AKT2: variants seen among roughly 807,000 people sequenced by gnomAD.
AKT2 encodes the protein RAC-beta serine/threonine-protein kinase.
In AKT2, 16 loss-of-function variants were observed where a neutral mutation model predicts 58.6. The observed-to-expected ratio is 0.27, with a 90% CI of 0.18 to 0.41. The LOEUF (loss-of-function observed/expected upper bound fraction) is 0.41. Ranked by LOEUF, AKT2 falls within the 10% of genes least tolerant of loss-of-function variation. The pLI is 1.00. For synonymous variants in AKT2, 253 were observed against 254.0 expected, an observed-to-expected ratio of 1.00 and a Z score of 0.04; for missense variants, 438 against 661.0, an observed-to-expected ratio of 0.66 and a Z score of 3.70.
chr19:40,240,187 G>A, intron 6 of AKT2, 77 bp from the exon 7 acceptor site: 1 of 1,445,792 alleles, frequency 6.9e-7, no homozygotes, highest in Non-Finnish European at 9.7e-7. Context: ...GGGGAGCAAG[G>A]CCTTGTGAAA....
chr19:40,238,206 G>T lies in AKT2; in HGVS notation c.709-115C>A. On this transcript the variant is annotated intron_variant, in intron 8 of 13. Transcript: ENST00000392038. The surrounding 1 kb of genome is among the most constrained non-coding windows in gnomAD (Gnocchi z 5.1). ...GTGGTGACACCTGTATCATGAACCA[G>T]CAAGTGACAGCTAGAGGGACCAATC... is the stretch of plus-strand genomic sequence containing the variant. 7.4e-7 allele frequency: 1 copy of T among 1,355,062 alleles called. No individual in the cohort carries two copies. The highest frequency in any genetic ancestry group is 2.5e-5 in the East Asian group (1 of 39,448). The allele number at this position is 1,355,062 out of a possible 1,614,324, so 83.9% of individuals were successfully genotyped here.
Position 40,242,204 on chromosome 19 carries a change from T to C in AKT2, c.442-135A>G. 2.3e-6 allele frequency: 3 copies of C among 1,312,168 alleles called. No homozygotes were observed. The highest frequency in any genetic ancestry group is 3.2e-6 in the Non-Finnish European group (3 of 936,716). 81.3% of individuals were successfully genotyped at this position (1,312,168 alleles called of 1,614,324 possible). Reference sequence around the variant, plus strand: ...TAGGCTGGAGCAGGAAGGGAGGCTCTGGGCAGCAACTGTGTGTTCTGAAGC... The same window carrying C: ...TAGGCTGGAGCAGGAAGGGAGGCTCCGGGCAGCAACTGTGTGTTCTGAAGC... On this transcript the variant is annotated intron_variant, in intron 5 of 13. Transcript: ENST00000392038. The surrounding 1 kb of genome is among the most constrained non-coding windows in gnomAD (Gnocchi z 4.3).
intron 3 of AKT2, among the ~76,000 whole-genome samples, chr19:40,255,475 G>C (rs997129788): frequency 5.9e-5 from 9 of 152,308 alleles, no homozygotes; most frequent in Admixed American, 4.6e-4. Context: ...GCCCACCAGA[G>C]AGTGATGGCT....
At chr19:40,248,986 A>G (rs1175049978) in intron 4 of AKT2, among the ~76,000 whole-genome samples, 17 of 64,766 alleles carry the variant, frequency 2.6e-4, no homozygotes, top group Admixed American at 4.6e-4. Flanking sequence ...ATGAGGAGAG[A>G]GAGGAGTGCA....
chr19:40,238,189 A>T lies in AKT2; in HGVS notation c.709-98T>A. Reference sequence around the variant, plus strand: ...TGCCCCAGCGCAGTGATGTGGTGACACCTGTATCATGAACCAGCAAGTGAC... The same window carrying T: ...TGCCCCAGCGCAGTGATGTGGTGACTCCTGTATCATGAACCAGCAAGTGAC... On this transcript the variant is annotated intron_variant, in intron 8 of 13. Coordinates refer to ENST00000392038, the MANE Select transcript of AKT2 (RefSeq NM_001626.6). The surrounding 1 kb of genome is among the most constrained non-coding windows in gnomAD (Gnocchi z 5.1). 1 of 1,471,838 alleles carries T rather than the reference A, an allele frequency of 6.8e-7. No homozygotes were observed. Among genetic ancestry groups the T allele is most frequent in the South Asian group, 1.2e-5 (1 of 81,650 alleles). The allele number at this position is 1,471,838 out of a possible 1,614,324, so 91.2% of individuals were successfully genotyped here.
chr19:40,232,279 C>G lies in AKT2; in HGVS notation c.*1593G>C. The G allele has an allele frequency of 4.3e-6, 1 of 233,906 alleles. No individual in the cohort carries two copies. Among genetic ancestry groups the G allele is most frequent in the African/African-American group, 2.2e-5 (1 of 45,438 alleles). The allele number at this position is 233,906 out of a possible 1,614,324, so 14.5% of individuals were successfully genotyped here. On this transcript the variant is annotated 3_prime_UTR_variant, in exon 14 of 14. Coordinates refer to ENST00000392038, the MANE Select transcript of AKT2 (RefSeq NM_001626.6). ...CTGGGGCCCAGGGGTCTGACTCCAT[C>G]ACCAAGGCAAAGCCCAGAGTGGTTG... is the stretch of plus-strand genomic sequence containing the variant.
intron 4 of AKT2, among the ~76,000 whole-genome samples, chr19:40,254,838 G>GA (rs796627417): frequency 1.6e-3 from 222 of 142,440 alleles, no homozygotes; most frequent in East Asian, 7.6e-3. Context: ...CTCCATTTCA[G>GA]AAAAAAAAAA....
intron 1 of AKT2, chr19:40,283,132 G>C (rs1269667852): frequency 6.6e-6 from 1 of 152,520 alleles, no homozygotes; most frequent in Non-Finnish European, 1.5e-5. Flanking sequence ...ATAAACACTG[G>C]GCATCCACTA....
intron 4 of AKT2, among the ~76,000 whole-genome samples, chr19:40,248,793 TGGA>T (rs1398635692): frequency 1.8e-5 from 2 of 113,664 alleles, no homozygotes; most frequent in Non-Finnish European, 3.7e-5. Flanking sequence ...CAGGGAGGAG[TGGA>T]GGAGATGAGG....
intron 1 of AKT2, among the ~76,000 whole-genome samples, chr19:40,267,751 C>T (rs1410508208): frequency 6.6e-6 from 1 of 152,170 alleles, no homozygotes. Flanking sequence ...TCCTAGACCC[C>T]GGATGGTACC....
In AKT2 at chr19:40,242,783, C is replaced by A; in HGVS notation, c.288-96G>T. 1 of 1,363,592 alleles carries A rather than the reference C, an allele frequency of 7.3e-7. No homozygotes were observed. Among genetic ancestry groups the A allele is most frequent in the Non-Finnish European group, 1.0e-6 (1 of 982,224 alleles). The allele number at this position is 1,363,592 out of a possible 1,614,324, so 84.5% of individuals were successfully genotyped here. A position where few individuals can be genotyped will look rare whatever the true frequency, so the allele number is the denominator to read the frequency against. On this transcript the variant is annotated intron_variant, in intron 4 of 13. Coordinates refer to ENST00000392038, the MANE Select transcript of AKT2 (RefSeq NM_001626.6). The surrounding 1 kb of genome is among the most constrained non-coding windows in gnomAD (Gnocchi z 4.3). ...CCTCCCAGCCACCCCCAGCAACAGG[C>A]AAGCAAATGACCACATAACCATGGG... is the stretch of plus-strand genomic sequence containing the variant.
At chr19:40,239,961 T>C (rs925826136) in intron 7 of AKT2, 84 bp downstream of exon 7, 1 of 1,523,784 alleles carries the variant, frequency 6.6e-7, no homozygotes, top group Non-Finnish European at 9.1e-7. Flanking sequence ...AAGACTGTGC[T>C]TTGTACCAGA....
In AKT2 at chr19:40,233,584, G is replaced by A; in HGVS notation, c.*288C>T. 1.4e-6 allele frequency: 1 copy of A among 706,688 alleles called. No individual in the cohort carries two copies. Among genetic ancestry groups the A allele is most frequent in the Non-Finnish European group, 2.6e-6 (1 of 379,438 alleles). 43.8% of individuals were successfully genotyped at this position (706,688 alleles called of 1,614,324 possible). A position where few individuals can be genotyped will look rare whatever the true frequency, so the allele number is the denominator to read the frequency against. ...GCGCCATGCTTCACCCCTCACTGGG[G>A]CTTGTGTGGATTAAAACCTGAATCT... On this transcript the variant is annotated 3_prime_UTR_variant, in exon 14 of 14. Transcript: ENST00000392038. This position sits in a 1 kb window ranked among gnomAD's most constrained non-coding sequence, Gnocchi z 4.3.
intron 6 of AKT2, chr19:40,241,332 C>A (rs908145838): frequency 1.8e-5 from 3 of 167,728 alleles, no homozygotes; most frequent in Admixed American, 1.7e-4. Flanking sequence ...TCTTTACAGT[C>A]TTCATCTGTC....
intron 7 of AKT2, 131 bp downstream of exon 7, chr19:40,239,914 C>A: frequency 1.8e-6 from 2 of 1,132,542 alleles, no homozygotes; most frequent in Non-Finnish European, 2.7e-6. Context: ...CTTGGCAGGG[C>A]GCAGCAACAC....
chr19:40,235,175 G>A lies in AKT2; in HGVS notation c.1264-28C>T, dbSNP rs183233287. 1 of 1,613,288 alleles carries A rather than the reference G, an allele frequency of 6.2e-7. No individual in the cohort carries two copies. The highest frequency in any genetic ancestry group is 8.5e-7 in the Non-Finnish European group (1 of 1,179,234). On this transcript the variant is annotated intron_variant, in intron 12 of 13. Coordinates refer to ENST00000392038, the MANE Select transcript of AKT2 (RefSeq NM_001626.6). The surrounding 1 kb of genome is among the most constrained non-coding windows in gnomAD (Gnocchi z 6.3). ...ACGGAGGAGAGGAGCTCAGGCTCAG[G>A]GACCCTGAGGCCAGGAGGCCTCAAC...
At chr19:40,245,655 T>C (rs2145226148) in intron 4 of AKT2, among the ~76,000 whole-genome samples, 1 of 152,258 alleles carries the variant, frequency 6.6e-6, no homozygotes. Flanking sequence ...AAAAAACAGA[T>C]TCCAGAAAAA....
At chr19:40,275,569 G>A (rs929772788) in intron 1 of AKT2, 23 of 345,700 alleles carry the variant, frequency 6.7e-5, no homozygotes, top group South Asian at 1.8e-4. Flanking sequence ...GAGAGGGACC[G>A]CAACCAGAGC....
chr19:40,277,396 G>T (rs1341331858), intron 1 of AKT2, among the ~76,000 whole-genome samples: 2 of 152,126 alleles, frequency 1.3e-5, no homozygotes, highest in African/African-American at 2.4e-5. Context: ...GCTCTAGGGC[G>T]CCCTGTCTCC....
Sources: gnomAD v4.1 joint callset for allele counts (sites outside exome capture counted in the v4.1 genomes callset) on GRCh38, gnomAD v4.1.1 for gene constraint, Gnocchi (gnomAD v3.1) non-coding constraint, MANE v1.5 for transcripts, NCBI Gene and HGNC (gene_info 2026-07-23, HGNC 2026-07-21) for gene names.